The following VAV3 variants were observed in gnomAD, a reference collection of about 807,000 sequenced individuals.
VAV3 encodes vav guanine nucleotide exchange factor 3, also known as guanine nucleotide exchange factor VAV3.
A neutral mutation model predicts 131.2 loss-of-function variants in VAV3; 94 were observed. The observed-to-expected ratio is 0.72, with a 90% CI of 0.61 to 0.85. VAV3 has a LOEUF of 0.85. Among genes scored for constraint, VAV3 ranks in the 40% least tolerant of loss-of-function variants. The pLI is 0.00. For synonymous variants in VAV3, 349 were observed against 342.0 expected, an observed-to-expected ratio of 1.02 and a Z score of -0.22; for missense variants, 939 against 1,002.7, an observed-to-expected ratio of 0.94 and a Z score of 0.86.
intron 1 of VAV3, among the ~76,000 whole-genome samples, chr1:107,962,244 T>C (rs568010507): frequency 2.6e-5 from 4 of 152,280 alleles, no homozygotes; most frequent in African/African-American, 7.2e-5. Context: ...GGGAATACAT[T>C]CTGCTGGGAC....
chr1:107,730,910 C>G (rs1249774600), intron 15 of VAV3, among the ~76,000 whole-genome samples: 1 of 152,104 alleles, frequency 6.6e-6, no homozygotes, highest in African/African-American at 2.4e-5. Flanking sequence ...GAGATGCAAG[C>G]TCAGCTTCTG....
chr1:107,939,516 C>T (rs1673882762), intron 1 of VAV3, among the ~76,000 whole-genome samples: 1 of 152,206 alleles, frequency 6.6e-6, no homozygotes. Context: ...ACAACCAATA[C>T]TCTACAATGT....
intron 19 of VAV3, chr1:107,669,555 C>A (rs1173227299): frequency 8.2e-7 from 1 of 1,218,540 alleles, no homozygotes; most frequent in Non-Finnish European, 1.0e-6. Context: ...CTTTGATACT[C>A]GGTAGCTGAT....
At chr1:107,834,814 T>C (rs1230562593) in intron 2 of VAV3, among the ~76,000 whole-genome samples, 1 of 152,148 alleles carries the variant, frequency 6.6e-6, no homozygotes, top group Admixed American at 6.5e-5. Flanking sequence ...GACTAGTTCC[T>C]GGCCTTGAAC....
chr1:107,926,288 AAAAAC>A (rs1173302064), intron 1 of VAV3, among the ~76,000 whole-genome samples: 1 of 152,038 alleles, frequency 6.6e-6, no homozygotes, highest in Non-Finnish European at 1.5e-5. Flanking sequence ...TCTCAAAAAC[AAAAAC>A]AAAACAAAAC....
chr1:107,653,506 G>A (rs554747663), intron 19 of VAV3, among the ~76,000 whole-genome samples: 19 of 152,046 alleles, frequency 1.2e-4, no homozygotes, highest in South Asian at 4.2e-4. Context: ...CTGAGGATCC[G>A]CAATCACCAC....
At chr1:107,924,822 C>A (rs962889075) in intron 1 of VAV3, among the ~76,000 whole-genome samples, 3 of 152,036 alleles carry the variant, frequency 2.0e-5, no homozygotes, top group Non-Finnish European at 2.9e-5. Context: ...TAGAACAACA[C>A]AACGATATTA....
intron 20 of VAV3, among the ~76,000 whole-genome samples, chr1:107,634,917 G>A (rs866269537): frequency 1.3e-5 from 2 of 151,846 alleles, no homozygotes; most frequent in South Asian, 2.1e-4. Flanking sequence ...AAACCACAAC[G>A]AGATACCATC....
chr1:107,797,842 G>A (rs1666619572), intron 2 of VAV3, among the ~76,000 whole-genome samples: 1 of 152,126 alleles, frequency 6.6e-6, no homozygotes, highest in Admixed American at 6.5e-5. Context: ...ACCACCTGGA[G>A]GATTTGTTAA....
In VAV3 at chr1:107,596,559, G is replaced by A. The variant is rs189616862; in HGVS notation, c.2221-218C>T. On this transcript the variant is annotated intron_variant, in intron 24 of 26. Transcript: ENST00000370056. ...TTGTTACTCAGGCCATTAATAATAT[G>A]AGTTACCCCCTATTGTTATTCACAG... is the stretch of plus-strand genomic sequence containing the variant. Among the ~76,000 whole-genome samples the A allele has an allele frequency of 4.4e-4, 67 of 151,888 alleles. 1 individual carries two copies. The highest frequency in any genetic ancestry group is 1.5e-4 in the Non-Finnish European group (10 of 67,864).
At chr1:107,621,502 A>C (rs1351915526) in intron 20 of VAV3, among the ~76,000 whole-genome samples, 1 of 152,078 alleles carries the variant, frequency 6.6e-6, no homozygotes, top group Admixed American at 6.6e-5. Context: ...GCAGCTGTCA[A>C]TCCCCTATGC....
chr1:107,690,982 T>C (rs1659388771), intron 17 of VAV3, among the ~76,000 whole-genome samples: 1 of 152,180 alleles, frequency 6.6e-6, no homozygotes, highest in Non-Finnish European at 1.5e-5. Context: ...GGTAGGATTC[T>C]GTAAATTTTC....
At chr1:107,736,755 A>G (rs545142715) in intron 15 of VAV3, among the ~76,000 whole-genome samples, 3 of 152,064 alleles carry the variant, frequency 2.0e-5, no homozygotes, top group African/African-American at 4.8e-5. Context: ...GGAAGAATCA[A>G]TATCGTAAAA....
Position 107,718,964 on chromosome 1 carries a change from C to T in VAV3, c.1503-13903G>A, listed in dbSNP as rs536826646. 5.9e-5 allele frequency among the ~76,000 whole-genome samples: 9 copies of T among 152,292 alleles called. No individual in the cohort carries two copies. The South Asian group carries it at 1.5e-3, about 25-fold the overall frequency. ...AAAAACAAGAAATGGTGAAAGGATT[C>T]CCTATTCAATAAATGGTGCTGGGAA... On this transcript the variant is annotated intron_variant, in intron 15 of 26. Coordinates refer to ENST00000370056, the MANE Select transcript of VAV3 (RefSeq NM_006113.5).
At chr1:107,918,686 CAT>C (rs67156403) in intron 1 of VAV3, among the ~76,000 whole-genome samples, 5,945 of 134,208 alleles carry the variant, frequency 0.044, 350 homozygotes, top group African/African-American at 0.14. Flanking sequence ...ATTTTTAAGG[CAT>C]ATATATATAT....
intron 20 of VAV3, 35 bp from the exon 21 acceptor site, chr1:107,617,667 A>G: frequency 6.3e-7 from 1 of 1,593,880 alleles, no homozygotes; most frequent in Non-Finnish European, 8.6e-7. Context: ...TGTTGAGAAC[A>G]AATTTACCAC....
chr1:107,777,614 G>T, intron 3 of VAV3: 1 of 339,030 alleles, frequency 2.9e-6, no homozygotes, highest in South Asian at 4.2e-5. Context: ...ATACCTGCAG[G>T]GTCACCTCAC....
chr1:107,740,610 G>GA (rs1038771980), intron 15 of VAV3, among the ~76,000 whole-genome samples: 48 of 147,946 alleles, frequency 3.2e-4, no homozygotes, highest in African/African-American at 8.4e-4. Context: ...AAAAATAAAA[G>GA]AAAAAAAAAA....
At chr1:107,750,376 C>T (rs1029729241) in intron 13 of VAV3, among the ~76,000 whole-genome samples, 2 of 152,160 alleles carry the variant, frequency 1.3e-5, no homozygotes, top group African/African-American at 4.8e-5. Context: ...CTTATAACCA[C>T]ATCATCCAAT....
Sources: gnomAD v4.1 joint callset for allele counts (sites outside exome capture counted in the v4.1 genomes callset) on GRCh38, gnomAD v4.1.1 for gene constraint, MANE v1.5 for transcripts, NCBI Gene and HGNC (gene_info 2026-07-23, HGNC 2026-07-21) for gene names.